RBFOX1: variants seen among roughly 807,000 people sequenced by gnomAD.
RBFOX1 encodes RNA binding protein fox-1 homolog 1.
RBFOX1 carries 8 observed loss-of-function variants against 57.7 expected under a neutral mutation model. The ratio of observed to expected loss-of-function variants is 0.14; its 90% CI spans 0.08 to 0.25. The LOEUF (loss-of-function observed/expected upper bound fraction) is 0.25, where lower values mean the gene tolerates loss of function less well. Among genes scored for constraint, RBFOX1 ranks in the 10% least tolerant of loss-of-function variants. RBFOX1 has a pLI of 1.00. For synonymous variants in RBFOX1, 326 were observed against 222.4 expected (o/e 1.47, Z -4.15); for missense variants, 611 against 548.5 (o/e 1.11, Z -1.14).
intron 1 of RBFOX1, among the ~76,000 whole-genome samples, chr16:5,412,567 C>T (rs929932053): frequency 3.3e-5 from 5 of 152,064 alleles, no homozygotes; most frequent in African/African-American, 4.8e-5. Flanking sequence ...GTGGGATGGG[C>T]GTGAAGACTC....
chr16:5,783,323 C>A (rs1253554763), intron 3 of RBFOX1, among the ~76,000 whole-genome samples: 1 of 152,164 alleles, frequency 6.6e-6, no homozygotes, highest in South Asian at 2.1e-4. Context: ...CGCTGCTTAG[C>A]AATCTAGTTT....
chr16:7,223,471 G>A (rs113906621), intron 4 of RBFOX1, among the ~76,000 whole-genome samples: 3 of 152,126 alleles, frequency 2.0e-5, no homozygotes, highest in Non-Finnish European at 4.4e-5. Flanking sequence ...TTGGTAATGC[G>A]AATGATAGAA....
intron 1 of RBFOX1, among the ~76,000 whole-genome samples, chr16:5,360,987 C>T (rs2065533663): frequency 6.6e-6 from 1 of 152,118 alleles, no homozygotes; most frequent in Non-Finnish European, 1.5e-5. Flanking sequence ...GATAACCATA[C>T]CAAGGCTGCA....
intron 4 of RBFOX1, among the ~76,000 whole-genome samples, chr16:5,933,981 G>C (rs1351982127): frequency 1.3e-5 from 2 of 151,930 alleles, no homozygotes; most frequent in African/African-American, 2.4e-5. Flanking sequence ...TGTGTCTGTT[G>C]TTCCCTTCTT....
At chr16:6,526,752 C>T (rs972983654) in intron 2 of RBFOX1, among the ~76,000 whole-genome samples, 1 of 139,660 alleles carries the variant, frequency 7.2e-6, no homozygotes, top group Non-Finnish European at 1.5e-5. Context: ...ATGGCTTGAA[C>T]CTGGGAGGCA....
chr16:5,549,852 C>A (rs1329366226), intron 2 of RBFOX1, among the ~76,000 whole-genome samples: 3 of 152,116 alleles, frequency 2.0e-5, no homozygotes, highest in African/African-American at 7.2e-5. Context: ...GCAGTGTCAT[C>A]TGAGATGGGA....
chr16:6,369,660 C>G (rs2090151486), intron 2 of RBFOX1, among the ~76,000 whole-genome samples: 2 of 152,198 alleles, frequency 1.3e-5, no homozygotes. Flanking sequence ...TACCCTCCAA[C>G]CTATACCTCA....
chr16:5,847,379 GA>G (rs1236792682), intron 3 of RBFOX1, among the ~76,000 whole-genome samples: 1 of 145,922 alleles, frequency 6.9e-6, no homozygotes, highest in Admixed American at 6.8e-5. Context: ...GGTGGGGGGG[GA>G]ATCTTAAAAT....
At chr16:7,214,726 T>G (rs2091746299) in intron 4 of RBFOX1, among the ~76,000 whole-genome samples, 1 of 152,040 alleles carries the variant, frequency 6.6e-6, no homozygotes, top group African/African-American at 2.4e-5. Flanking sequence ...CGATCTTTCT[T>G]TTTGCTCTCC....
chr16:6,865,856 G>C (rs989210161), intron 3 of RBFOX1, among the ~76,000 whole-genome samples: 4 of 151,998 alleles, frequency 2.6e-5, no homozygotes, highest in Non-Finnish European at 5.9e-5. Flanking sequence ...TTTGCGTGTA[G>C]GCTTATTTCT....
intron 4 of RBFOX1, among the ~76,000 whole-genome samples, chr16:7,383,016 A>G (rs12446438): frequency 0.046 from 7,060 of 152,306 alleles, 200 homozygotes; most frequent in South Asian, 0.11. Context: ...ATGGTAAGCA[A>G]GGCCAGAAAA....
At chr16:7,629,657 G>T (rs2060624947) in intron 10 of RBFOX1, among the ~76,000 whole-genome samples, 1 of 152,220 alleles carries the variant, frequency 6.6e-6, no homozygotes, top group African/African-American at 2.4e-5. Context: ...GACAATTCCT[G>T]ACCCCAGTCA....
chr16:7,479,475 C>T (rs1027156267), intron 4 of RBFOX1, among the ~76,000 whole-genome samples: 2 of 152,090 alleles, frequency 1.3e-5, no homozygotes, highest in Non-Finnish European at 2.9e-5. Flanking sequence ...TTTCTCAGCC[C>T]TTCCTTGCTT....
intron 1 of RBFOX1, among the ~76,000 whole-genome samples, chr16:6,223,400 G>GT (rs2097391495): frequency 6.8e-6 from 1 of 147,448 alleles, no homozygotes; most frequent in African/African-American, 2.4e-5. Flanking sequence ...ATTCTAACTG[G>GT]TGTGAGATGG....
chr16:7,444,564 G>T (rs2098794123), intron 4 of RBFOX1, among the ~76,000 whole-genome samples: 1 of 151,900 alleles, frequency 6.6e-6, no homozygotes, highest in Non-Finnish European at 1.5e-5. Context: ...ACAGGGTTTT[G>T]CTGTGTCTCC....
intron 1 of RBFOX1, chr16:5,270,656 G>A: frequency 1.8e-6 from 1 of 543,896 alleles, no homozygotes; most frequent in Non-Finnish European, 3.4e-6. Context: ...CCAACAGTCT[G>A]CCAAATCCAG....
intron 3 of RBFOX1, among the ~76,000 whole-genome samples, chr16:5,674,264 T>C (rs1190092299): frequency 6.6e-6 from 1 of 152,202 alleles, no homozygotes; most frequent in African/African-American, 2.4e-5. Flanking sequence ...TTTAACCTGA[T>C]TTAGGGTTCA....
chr16:5,966,654 A>C (rs1021214452), intron 4 of RBFOX1, among the ~76,000 whole-genome samples: 1 of 152,090 alleles, frequency 6.6e-6, no homozygotes, highest in African/African-American at 2.4e-5. Flanking sequence ...GTTTCGCCAC[A>C]CACCTTTAAA....
chr16:6,940,155 C>G (rs914151549), intron 3 of RBFOX1, among the ~76,000 whole-genome samples: 11 of 152,070 alleles, frequency 7.2e-5, no homozygotes, highest in African/African-American at 2.4e-4. Flanking sequence ...TCACGCTGCT[C>G]CACTCCAGTC....
Sources: allele counts gnomAD v4.1 joint callset (sites outside exome capture counted in the v4.1 genomes callset), GRCh38; gene constraint gnomAD v4.1.1; transcripts MANE v1.5; gene names NCBI Gene and HGNC (gene_info 2026-07-23, HGNC 2026-07-21).